OCA2: variants seen among roughly 807,000 people sequenced by gnomAD.
The protein encoded by OCA2 is OCA2 melanosomal transmembrane protein, also known as P protein.
In OCA2, 77 loss-of-function variants were observed where a neutral mutation model predicts 100.2. The ratio of observed to expected loss-of-function variants is 0.77; its 90% CI spans 0.64 to 0.93. The LOEUF (loss-of-function observed/expected upper bound fraction) is 0.93, where lower values mean the gene tolerates loss of function less well. OCA2 is among the 40% of genes least tolerant of loss of function. The probability of loss-of-function intolerance (pLI) is 0.00; values close to 1 mark genes in which losing one functional copy is unlikely to be tolerated. For synonymous variants in OCA2, 432 were observed against 439.2 expected, an observed-to-expected ratio of 0.98 and a Z score of 0.21; for missense variants, 1,062 against 1,089.1, an observed-to-expected ratio of 0.98 and a Z score of 0.35.
chr15:27,729,792 C>G, the OCA2 span, among the ~76,000 whole-genome samples: 1 of 152,170 alleles, frequency 6.6e-6, no homozygotes, highest in African/African-American at 2.4e-5. Context: ...TGTAAAACTT[C>G]ACTGAGCTAT....
chr15:27,833,203 G>T (rs1258434845), intron 23 of OCA2, among the ~76,000 whole-genome samples: 1 of 152,198 alleles, frequency 6.6e-6, no homozygotes, highest in Non-Finnish European at 1.5e-5. Flanking sequence ...TATAAAAAAA[G>T]TTTTATCTTA....
intron 9 of OCA2, among the ~76,000 whole-genome samples, chr15:28,010,129 G>T (rs1184160693): frequency 6.6e-6 from 1 of 151,138 alleles, no homozygotes; most frequent in African/African-American, 2.4e-5. Flanking sequence ...ACACAAAAAA[G>T]ATGCTGACAA....
chr15:28,084,490 T>C (rs2044740306), intron 1 of OCA2, among the ~76,000 whole-genome samples: 1 of 152,200 alleles, frequency 6.6e-6, no homozygotes, highest in Non-Finnish European at 1.5e-5. Context: ...AAACGAGTTT[T>C]TTATTGCTGC....
intron 23 of OCA2, among the ~76,000 whole-genome samples, chr15:27,767,628 C>T (rs556161276): frequency 6.6e-6 from 1 of 152,090 alleles, no homozygotes; most frequent in South Asian, 2.1e-4. Context: ...TGTAAAAATG[C>T]ACCAATCAGC....
At chr15:27,848,071 T>C (rs919067466) in intron 22 of OCA2, among the ~76,000 whole-genome samples, 47 of 152,332 alleles carry the variant, frequency 3.1e-4, no homozygotes, top group African/African-American at 1.1e-3. Flanking sequence ...CCCTATGTTT[T>C]CTGAGGTTTG....
chr15:27,789,843 A>ATCTAAGAGAAAT (rs1566964737), intron 23 of OCA2, among the ~76,000 whole-genome samples: 1 of 152,220 alleles, frequency 6.6e-6, no homozygotes, highest in Non-Finnish European at 1.5e-5. Flanking sequence ...TAAAAGTAAA[A>ATCTAAGAGAAAT]CTTAGAAAAT....
intron 11 of OCA2, among the ~76,000 whole-genome samples, 200 bp from the exon 12 acceptor site, chr15:27,986,843 C>A (rs1037497999): frequency 5.4e-5 from 8 of 149,266 alleles, no homozygotes; most frequent in African/African-American, 2.1e-4. Flanking sequence ...CTCTTGCTAG[C>A]AGTTTTGTGC....
intron 19 of OCA2, among the ~76,000 whole-genome samples, chr15:27,904,674 C>T (rs1333400953): frequency 6.6e-6 from 1 of 152,166 alleles, no homozygotes; most frequent in African/African-American, 2.4e-5. Context: ...TGGGGATACT[C>T]CAGCACAAAC....
At chr15:27,811,548 C>T (rs922384666) in intron 23 of OCA2, among the ~76,000 whole-genome samples, 2 of 152,178 alleles carry the variant, frequency 1.3e-5, no homozygotes. Context: ...CAGCTACCAG[C>T]TTTTAAAGCT....
At chr15:28,005,187 C>G (rs1457170366) in intron 9 of OCA2, among the ~76,000 whole-genome samples, 4 of 152,128 alleles carry the variant, frequency 2.6e-5, no homozygotes, top group African/African-American at 9.7e-5. Flanking sequence ...ACCCCCACTT[C>G]CCCTCCTCAG....
intron 23 of OCA2, among the ~76,000 whole-genome samples, chr15:27,779,369 C>T (rs1031518379): frequency 5.3e-5 from 8 of 152,176 alleles, no homozygotes; most frequent in African/African-American, 1.9e-4. Context: ...ATTAACGTTT[C>T]CTACTATTAA....
Position 27,966,810 on chromosome 15 carries a change from C to T in OCA2, c.1516G>A (p.Ala506Thr), listed in dbSNP as rs1006252326. ...ATGAACATGTGTGCAGTGAATCCGG[C>T]AAAGTCCAGGCCCTGGAAATAAACA... ...QELRKMGLDF[A>T]GFTAHMFIGI... The change falls in exon 15 of 24, where the codon GCC becomes ACC. Residue 506 changes from alanine (A) to threonine (T), a missense_variant. Coordinates refer to ENST00000354638, the MANE Select transcript of OCA2 (RefSeq NM_000275.3). The T allele has an allele frequency of 1.2e-6, 2 of 1,611,518 alleles. No individual in the cohort carries two copies. Among genetic ancestry groups the T allele is most frequent in the African/African-American group, 2.7e-5 (2 of 74,830 alleles).
chr15:28,017,080 C>T (rs1156863438), intron 7 of OCA2, among the ~76,000 whole-genome samples: 2 of 151,210 alleles, frequency 1.3e-5, no homozygotes, highest in Admixed American at 6.6e-5. Context: ...CGGGGGGGGA[C>T]CCTCAATGGG....
chr15:27,764,441 A>C (rs1309977366), intron 23 of OCA2, among the ~76,000 whole-genome samples: 2 of 152,170 alleles, frequency 1.3e-5, no homozygotes, highest in South Asian at 2.1e-4. Context: ...TCCATGAATG[A>C]AAATCTCCCC....
intron 2 of OCA2, among the ~76,000 whole-genome samples, chr15:28,074,458 AG>A (rs1404838129): frequency 6.6e-6 from 1 of 152,028 alleles, no homozygotes; most frequent in Non-Finnish European, 1.5e-5. Flanking sequence ...GCGGATCACG[AG>A]GTCAGGAGAT....
chr15:28,057,596 T>G (rs2043741533), intron 2 of OCA2, among the ~76,000 whole-genome samples: 2 of 152,014 alleles, frequency 1.3e-5, no homozygotes. Flanking sequence ...ATGGCCCTAC[T>G]ACACATACTC....
chr15:27,871,840 T>C (rs1463025504), intron 20 of OCA2, 23 bp downstream of exon 20: 8 of 1,499,354 alleles, frequency 5.3e-6, no homozygotes, highest in Non-Finnish European at 7.4e-6. Context: ...CTGGAGTGCC[T>C]TCTATTATAG....
At chr15:27,951,071 CTG>C (rs965531497) in intron 18 of OCA2, among the ~76,000 whole-genome samples, 4 of 152,106 alleles carry the variant, frequency 2.6e-5, no homozygotes, top group Non-Finnish European at 1.5e-5. Context: ...ATGGAGATAA[CTG>C]TGAAATTGAT....
chr15:27,926,381 A>T, intron 18 of OCA2, 127 bp from the exon 19 acceptor site: 8 of 967,184 alleles, frequency 8.3e-6, no homozygotes, highest in Non-Finnish European at 1.3e-5. Context: ...ATATATGTAA[A>T]ATGCATATAA....
Sources: gnomAD v4.1 joint callset for allele counts (sites outside exome capture counted in the v4.1 genomes callset) on GRCh38, gnomAD v4.1.1 for gene constraint, MANE v1.5 for transcripts, NCBI Gene and HGNC (gene_info 2026-07-23, HGNC 2026-07-21) for gene names.